CPLANE1: variants seen among roughly 807,000 people sequenced by gnomAD.
CPLANE1 encodes ciliogenesis and planar polarity effector 1.
Under a neutral mutation model 362.5 loss-of-function variants are expected in CPLANE1, and 263 were observed. That is an observed-to-expected ratio of 0.73 (90% CI 0.66 to 0.80). CPLANE1 has a LOEUF of 0.80. Ranked by LOEUF, CPLANE1 falls within the 30% of genes least tolerant of loss-of-function variation. The probability of loss-of-function intolerance (pLI) is 0.00; values close to 1 mark genes in which losing one functional copy is unlikely to be tolerated. For synonymous variants in CPLANE1, 1,212 were observed against 1,302.6 expected, an observed-to-expected ratio of 0.93 and a Z score of 1.50; for missense variants, 3,461 against 3,793.4, an observed-to-expected ratio of 0.91 and a Z score of 2.30.
intron 19 of CPLANE1, 112 bp from the exon 20 acceptor site, chr5:37,198,978 T>C (rs151257012): frequency 5.1e-6 from 5 of 986,582 alleles, no homozygotes; most frequent in African/African-American, 4.9e-5. Flanking sequence ...ACGCCTGTAA[T>C]CCCAGCACTT....
chr5:37,247,532 A>T, intron 2 of CPLANE1, 86 bp downstream of exon 2: 2 of 1,148,132 alleles, frequency 1.7e-6, no homozygotes, highest in Non-Finnish European at 2.4e-6. Context: ...TTATTTATTT[A>T]AGATCATAGA....
In CPLANE1 at chr5:37,197,427, G is replaced by T. The variant is rs73750951; in HGVS notation, c.3672+1275C>A. On this transcript the variant is annotated intron_variant, in intron 20 of 52. Coordinates refer to ENST00000651892, the MANE Select transcript of CPLANE1 (RefSeq NM_001384732.1). ...AGAGAGAGAGCCAGCAAAGAAATGG[G>T]GGACCACAGTTCTACAGCCACATGC... Among the ~76,000 whole-genome samples the T allele has an allele frequency of 1.5e-3, 228 of 152,188 alleles. 2 individuals carry two copies. Among genetic ancestry groups the T allele is most frequent in the African/African-American group, 5.2e-3 (216 of 41,508 alleles).
the CPLANE1 span, among the ~76,000 whole-genome samples, chr5:37,098,923 C>CAAAAAAAAA: frequency 7.7e-5 from 4 of 52,076 alleles, no homozygotes; most frequent in African/African-American, 2.1e-4. Context: ...ATGCCTACAT[C>CAAAAAAAAA]AAAAAAAAAA....
In CPLANE1 at chr5:37,182,971, A is replaced by G. The variant is rs781211084; in HGVS notation, c.5210T>C (p.Leu1737Pro). 8 of 1,606,984 alleles carry G rather than the reference A, an allele frequency of 5.0e-6. No homozygotes were observed. The highest frequency in any genetic ancestry group is 6.8e-6 in the Non-Finnish European group (8 of 1,176,646). The part of the protein sequence containing the change: ...INPQEDLPLA[L>P]NTFGSIGRLL... The stretch of plus-strand genomic sequence containing the variant: ...TCTTCCTATACTGCCAAAAGTGTTT[A>G]GTGCTAAAGGAAGATCTTCTTGAGG... Residue 1737 changes from leucine to proline, a missense_variant, in exon 26 of 53, where the codon CTA becomes CCA. Around this residue, in one of 2 missense-constraint regions of CPLANE1, gnomAD observed 3,380 missense variants for 3,666.1 expected, o/e 0.92. Transcript: ENST00000651892.
At chr5:37,217,025 A>C (rs924700230) in intron 15 of CPLANE1, among the ~76,000 whole-genome samples, 1 of 152,136 alleles carries the variant, frequency 6.6e-6, no homozygotes, top group African/African-American at 2.4e-5. Flanking sequence ...AATTGAGAAA[A>C]TTTTATTAGC....
At chr5:37,161,207 T>C (rs1776772176) in intron 38 of CPLANE1, among the ~76,000 whole-genome samples, 1 of 152,166 alleles carries the variant, frequency 6.6e-6, no homozygotes, top group Non-Finnish European at 1.5e-5. Flanking sequence ...ATGAACAGGA[T>C]AGAAAATACG....
At chr5:37,181,121 A>C in intron 26 of CPLANE1, 116 bp from the exon 27 acceptor site, 1 of 880,604 alleles carries the variant, frequency 1.1e-6, no homozygotes, top group Non-Finnish European at 1.7e-6. Context: ...TTCATTTATC[A>C]AATATTTACT....
intron 18 of CPLANE1, among the ~76,000 whole-genome samples, chr5:37,204,433 G>T (rs1790097498): frequency 6.6e-6 from 1 of 151,830 alleles, no homozygotes; most frequent in African/African-American, 2.4e-5. Flanking sequence ...AAATTTTATA[G>T]GATTCCTGTG....
At chr5:37,186,842 G>A (rs976183097) in intron 23 of CPLANE1, among the ~76,000 whole-genome samples, 1 of 151,930 alleles carries the variant, frequency 6.6e-6, no homozygotes, top group African/African-American at 2.4e-5. Flanking sequence ...GGCAGATCAC[G>A]AGGTCAGGAG....
chr5:37,138,535 TTATATAC>T (rs1188787127), intron 46 of CPLANE1, 178 bp downstream of exon 46: 2 of 734,482 alleles, frequency 2.7e-6, no homozygotes, highest in Non-Finnish European at 4.9e-6. Context: ...CAGGATACAG[TTATATAC>T]TATATATTGT....
At position 37,138,924 on chromosome 5, in the gene CPLANE1, T is replaced by G. The variant is rs977379514; in HGVS notation, c.8664-76A>C. 3 of 1,280,006 alleles carry G rather than the reference T, an allele frequency of 2.3e-6. No individual in the cohort carries two copies. In the African/African-American group the frequency reaches 4.5e-5, roughly 19 times the overall value. 79.3% of individuals were successfully genotyped at this position (1,280,006 alleles called of 1,614,324 possible). Reference sequence around the variant, plus strand: ...ATTACATTAAGCAAAAATAAACATGTAACAAATGAACACAAAATGATAAAC... The same window carrying G: ...ATTACATTAAGCAAAAATAAACATGGAACAAATGAACACAAAATGATAAAC... On this transcript the variant is annotated intron_variant, in intron 45 of 52. Transcript: ENST00000651892.
chr5:37,119,388 C>T (rs956620356), intron 50 of CPLANE1, among the ~76,000 whole-genome samples: 1 of 152,042 alleles, frequency 6.6e-6, no homozygotes, highest in Admixed American at 6.6e-5. Context: ...AAAAGCCATT[C>T]GGCTGGGTGT....
intron 35 of CPLANE1, among the ~76,000 whole-genome samples, chr5:37,166,086 G>C (rs1398652811): frequency 6.6e-6 from 1 of 152,138 alleles, no homozygotes; most frequent in African/African-American, 2.4e-5. Flanking sequence ...AATGCTAAAG[G>C]GAAGACTTAA....
At chr5:37,128,872 A>C (rs1764984643) in intron 46 of CPLANE1, among the ~76,000 whole-genome samples, 1 of 151,914 alleles carries the variant, frequency 6.6e-6, no homozygotes, top group Non-Finnish European at 1.5e-5. Context: ...AAAACAAAAA[A>C]AAAATCATCA....
Position 37,226,474 on chromosome 5 carries a change from A to G in CPLANE1, c.2121T>C (p.Pro707=), listed in dbSNP as rs1444094893. 1 of 1,550,718 alleles carries G rather than the reference A, an allele frequency of 6.4e-7. No homozygotes were observed. Among genetic ancestry groups the G allele is most frequent in the Non-Finnish European group, 8.7e-7 (1 of 1,146,702 alleles). ...DNLNGVYILQ[P]EVISASADGS... is the part of the protein sequence containing the mutation. Reference sequence around the variant, plus strand: ...CATCAGCTGATGCTGAAATAACTTCAGGTTGAAGAATGTATACACCATTTA... The same window carrying G: ...CATCAGCTGATGCTGAAATAACTTCGGGTTGAAGAATGTATACACCATTTA... Residue 707 remains proline, a synonymous_variant, in exon 12 of 53, where the codon CCT becomes CCC. Coordinates refer to ENST00000651892, the MANE Select transcript of CPLANE1 (RefSeq NM_001384732.1).
intron 21 of CPLANE1, among the ~76,000 whole-genome samples, chr5:37,190,965 G>A (rs964001537): frequency 6.6e-6 from 1 of 152,038 alleles, no homozygotes; most frequent in Non-Finnish European, 1.5e-5. Flanking sequence ...CGTTATTTTA[G>A]CGTATACTCT....
At chr5:37,243,596 C>T (rs999713193) in intron 5 of CPLANE1, among the ~76,000 whole-genome samples, 4 of 149,572 alleles carry the variant, frequency 2.7e-5, no homozygotes, top group Admixed American at 2.0e-4. Context: ...CCAGTTAAAT[C>T]GCATATTTAG....
intron 38 of CPLANE1, among the ~76,000 whole-genome samples, chr5:37,160,989 C>T (rs1242514619): frequency 6.6e-6 from 1 of 152,048 alleles, no homozygotes; most frequent in African/African-American, 2.4e-5. Flanking sequence ...CTTTTTTTGA[C>T]CTATCAGATT....
At chr5:37,215,683 G>A (rs909451313) in intron 15 of CPLANE1, among the ~76,000 whole-genome samples, 3 of 147,844 alleles carry the variant, frequency 2.0e-5, no homozygotes, top group South Asian at 2.1e-4. Flanking sequence ...ACCCAGGCAC[G>A]ACAGCCTTGC....
Sources: gnomAD v4.1 joint callset for allele counts (sites outside exome capture counted in the v4.1 genomes callset) on GRCh38, gnomAD v4.1.1 for gene constraint, gnomAD v4.1.1 regional missense constraint, MANE v1.5 for transcripts, NCBI Gene and HGNC (gene_info 2026-07-23, HGNC 2026-07-21) for gene names.